Variants in USP22 observed in about 807,000 individuals in gnomAD.
USP22 encodes ubiquitin specific peptidase 22.
A neutral mutation model predicts 68.1 loss-of-function variants in USP22; 22 were observed. The ratio of observed to expected loss-of-function variants is 0.32; its 90% confidence interval spans 0.23 to 0.46. USP22 has a LOEUF of 0.46. Among genes scored for constraint, USP22 ranks in the 20% least tolerant of loss-of-function variants. USP22 has a pLI of 1.00. For synonymous variants in USP22, 279 were observed against 274.2 expected (o/e 1.02, Z -0.17); for missense variants, 433 against 695.8 (o/e 0.62, Z 4.25).
chr17:21,012,725 G>T, intron 7 of USP22, 105 bp downstream of exon 7: 1 of 1,023,114 alleles, frequency 9.8e-7, no homozygotes, highest in Non-Finnish European at 1.5e-6. Flanking sequence ...TTATCTCATA[G>T]CCTCCTTAAA....
chr17:21,028,892 C>T (rs1326340565), intron 1 of USP22, among the ~76,000 whole-genome samples: 3 of 147,642 alleles, frequency 2.0e-5, no homozygotes, highest in Admixed American at 6.8e-5. Context: ...AGGAAAACTC[C>T]GTCCACAACT....
At chr17:21,011,680 T>G (rs754656907) in intron 7 of USP22, 4 of 238,658 alleles carry the variant, frequency 1.7e-5, no homozygotes, top group Non-Finnish European at 3.3e-5. Context: ...CCTGTGACCC[T>G]AGGCAACACT....
chr17:21,012,320 CCCTGA>C (rs1222815933), intron 7 of USP22, among the ~76,000 whole-genome samples: 1 of 152,058 alleles, frequency 6.6e-6, no homozygotes, highest in African/African-American at 2.4e-5. Flanking sequence ...TGAGAGGGTC[CCCTGA>C]CCTAACAAAG....
rs571220259 is a variant in USP22, at chr17:21,013,083, G to T, written c.839-148C>A. ...AGGACACTCCTCATTTTAGCAGAGG[G>T]TGTCCTTGTTATTTTAATATGACGA... On this transcript the variant is annotated intron_variant, in intron 6 of 12. Transcript: ENST00000261497. The T allele has an allele frequency of 1.2e-5, 7 of 604,926 alleles. No individual in the cohort carries two copies. The Admixed American group carries it at 1.8e-4, about 16-fold the overall frequency. 37.5% of individuals were successfully genotyped at this position (604,926 alleles called of 1,614,324 possible).
At chr17:21,041,607 A>T (rs548538359) in intron 1 of USP22, among the ~76,000 whole-genome samples, 7 of 150,808 alleles carry the variant, frequency 4.6e-5, no homozygotes, top group Non-Finnish European at 7.4e-5. Flanking sequence ...CAAAAAAATA[A>T]TTTTTTTTTT....
chr17:21,026,042 A>T (rs6587111), intron 2 of USP22, among the ~76,000 whole-genome samples: 88,514 of 152,008 alleles, frequency 0.58, 26,240 homozygotes, highest in Middle Eastern at 0.63. Context: ...GGCGATCACC[A>T]GAGGTCAGGA....
intron 1 of USP22, among the ~76,000 whole-genome samples, chr17:21,037,429 C>A (rs1189422007): frequency 6.6e-6 from 1 of 152,132 alleles, no homozygotes; most frequent in African/African-American, 2.4e-5. Flanking sequence ...GCCCAGCAAC[C>A]CAAGACATCT....
At chr17:21,011,442 G>C in intron 7 of USP22, 133 bp from the exon 8 acceptor site, 3 of 1,210,542 alleles carry the variant, frequency 2.5e-6, no homozygotes, top group Non-Finnish European at 3.5e-6. Flanking sequence ...GGTGGGATGG[G>C]GCAGGAGCAA....
intron 2 of USP22, among the ~76,000 whole-genome samples, chr17:21,022,853 G>A (rs553433605): frequency 7.3e-5 from 11 of 150,898 alleles, no homozygotes; most frequent in Admixed American, 3.3e-4. Flanking sequence ...GAAGGTAAAT[G>A]GCTCTACCAT....
At position 21,000,983 on chromosome 17, in the gene USP22, G is replaced by A. The variant is rs567176678; in HGVS notation, c.*2048C>T. 32 of 150,516 alleles carry A rather than the reference G, an allele frequency of 2.1e-4. No homozygotes were observed. Among genetic ancestry groups the A allele is most frequent in the African/African-American group, 7.3e-4 (30 of 40,884 alleles). 9.3% of individuals were successfully genotyped at this position (150,516 alleles called of 1,614,324 possible). ...GAGAACTGCTTGAACCCAGGAGGTG[G>A]AGGTTGCAGTGAGCCGAGACTGTGC... On this transcript the variant is annotated 3_prime_UTR_variant, in exon 13 of 13. Transcript: ENST00000261497.
At chr17:21,025,218 G>A (rs1242688758) in intron 2 of USP22, among the ~76,000 whole-genome samples, 3 of 152,068 alleles carry the variant, frequency 2.0e-5, no homozygotes, top group East Asian at 1.9e-4. Context: ...AAAAGCAATG[G>A]ACATGAACTG....
chr17:21,020,195 A>G, intron 3 of USP22, among the ~76,000 whole-genome samples: 1 of 132,590 alleles, frequency 7.5e-6, no homozygotes, highest in South Asian at 2.6e-4. Context: ...ACCTGTCACT[A>G]TGTCACTATC....
Position 21,019,183 on chromosome 17 carries a change from C to T in USP22, c.421G>A (p.Val141Ile), listed in dbSNP as rs754814234. 2.5e-5 allele frequency: 40 copies of T among 1,613,844 alleles called. No individual in the cohort carries two copies. Among genetic ancestry groups the T allele is most frequent in the South Asian group, 2.4e-4 (22 of 91,090 alleles). The change falls in exon 4 of 13, where the codon GTT becomes ATT. Residue 141 changes from valine (V) to isoleucine (I), a missense_variant and splice_region_variant. By Grantham distance (29) the Val-to-Ile change is conservative. Around this residue, in one of 4 missense-constraint regions of USP22, gnomAD observed 144 missense variants for 237.2 expected, o/e 0.61. Coordinates refer to ENST00000261497, the MANE Select transcript of USP22 (RefSeq NM_015276.2). ...EQRKAWKMQG[V>I]GEKFSTWEPT... ...TCCCAAGTTGAAAACTTCTCTCCAA[C>T]GCCTAAGCAGATGAAGGACAGTTCC...
At position 21,004,982 on chromosome 17, in the gene USP22, C is replaced by A; in HGVS notation, c.1331G>T (p.Ser444Ile). ...MTPFMASSKE[S>I]RMNGQYQQPT... ...CTGCTGGTACTGTCCATTCATCCTG[C>A]TCTCTTTGCTGTAACAGACAACGGC... is the stretch of plus-strand genomic sequence containing the variant. The change falls in exon 11 of 13, where the codon AGC (serine) becomes ATC (isoleucine). Residue 444 changes from serine to isoleucine, a missense_variant. Physicochemically the swap from Ser to Ile is moderately radical, Grantham distance 142. Transcript: ENST00000261497. 6.2e-7 allele frequency: 1 copy of A among 1,614,204 alleles called. No individual in the cohort carries two copies. The highest frequency in any genetic ancestry group is 1.1e-5 in the South Asian group (1 of 91,086).
chr17:21,004,402 C>CT (rs1299136630), intron 11 of USP22, 51 bp from the exon 12 acceptor site: 88 of 1,600,796 alleles, frequency 5.5e-5, no homozygotes, highest in Non-Finnish European at 7.5e-5. Flanking sequence ...GATGCCGTCA[C>CT]TTGAGGTCAT....
At chr17:21,021,347 T>C (rs1345921242) in intron 2 of USP22, 121 bp from the exon 3 acceptor site, 1 of 675,992 alleles carries the variant, frequency 1.5e-6, no homozygotes, top group African/African-American at 1.8e-5. Flanking sequence ...CACCTTCCTA[T>C]TCACAAGCAG....
chr17:21,018,969 G>T, intron 4 of USP22, 115 bp downstream of exon 4: 1 of 1,066,218 alleles, frequency 9.4e-7, no homozygotes, highest in Non-Finnish European at 1.4e-6. Flanking sequence ...ATTGATGAGT[G>T]ACAGTTATGC....
chr17:21,017,876 A>ATT, intron 5 of USP22, 66 bp downstream of exon 5: 4 of 1,458,922 alleles, frequency 2.7e-6, no homozygotes, highest in Non-Finnish European at 1.9e-6. Flanking sequence ...TCCACCTTAA[A>ATT]TTTTTTTTTT....
At position 21,000,435 on chromosome 17, in the gene USP22, A is replaced by G. The variant is rs992686881; in HGVS notation, c.*2596T>C. ...TAGAACGGCAATGCCACAGTGGAAT[A>G]AGGGGGACTAACTTGGATACGAAAG... is the stretch of plus-strand genomic sequence containing the variant. On this transcript the variant is annotated 3_prime_UTR_variant, in exon 13 of 13. Coordinates refer to ENST00000261497, the MANE Select transcript of USP22 (RefSeq NM_015276.2). 1 of 152,260 alleles carries G rather than the reference A, an allele frequency of 6.6e-6. No individual in the cohort carries two copies. Among genetic ancestry groups the G allele is most frequent in the African/African-American group, 2.4e-5 (1 of 41,458 alleles). The allele number at this position is 152,260 out of a possible 1,614,324, so 9.4% of individuals were successfully genotyped here.
Sources: allele counts gnomAD v4.1 joint callset (sites outside exome capture counted in the v4.1 genomes callset), GRCh38; gene constraint gnomAD v4.1.1; regional missense constraint gnomAD v4.1.1; transcripts MANE v1.5; gene names NCBI Gene and HGNC (gene_info 2026-07-23, HGNC 2026-07-21).